PAG1: variants seen among roughly 807,000 people sequenced by gnomAD.
The protein encoded by PAG1 is phosphoprotein associated with glycosphingolipid-enriched microdomains 1.
Under a neutral mutation model 31.7 loss-of-function variants are expected in PAG1, and 23 were observed. That is an observed-to-expected ratio of 0.73 (90% CI 0.52 to 1.03). PAG1 has a LOEUF of 1.03. Ranked by LOEUF, PAG1 falls within the 50% of genes least tolerant of loss-of-function variation. PAG1 has a pLI of 0.00. For missense variants in PAG1, 473 were observed against 540.7 expected (o/e 0.87, Z 1.24); for synonymous variants, 214 against 210.3 (o/e 1.02, Z -0.15).
At chr8:80,998,386 C>T (rs1484794635) in intron 3 of PAG1, among the ~76,000 whole-genome samples, 2 of 152,048 alleles carry the variant, frequency 1.3e-5, no homozygotes, top group Non-Finnish European at 2.9e-5. Flanking sequence ...CCTCGGCCTC[C>T]CAAAGTGCTG....
At chr8:80,998,660 C>T (rs1233671683) in intron 3 of PAG1, among the ~76,000 whole-genome samples, 1 of 151,718 alleles carries the variant, frequency 6.6e-6, no homozygotes, top group Non-Finnish European at 1.5e-5. Context: ...TTTCTTTGGC[C>T]AAACATCCTT....
At position 80,976,566 on chromosome 8, in the gene PAG1, C is replaced by A. The variant is rs1218796857; in HGVS notation, c.1277G>T (p.Gly426Val). 1.9e-6 allele frequency: 3 copies of A among 1,612,940 alleles called. No homozygotes were observed. Among genetic ancestry groups the A allele is most frequent in the Non-Finnish European group, 2.5e-6 (3 of 1,179,618 alleles). Residue 426 changes from glycine to valine, a missense_variant, in exon 9 of 9, where the codon GGC (glycine) becomes GTC (valine). Physicochemically the swap from Gly to Val is moderately radical, Grantham distance 109. Transcript: ENST00000220597. The stretch of plus-strand genomic sequence containing the variant: ...TTGCTAGAGCCTGGTAATATCTCTG[C>A]CTTGCTGCAAGTCACTTATGCTCTC... Reference protein sequence around the residue: ...DYESISDLQQGRDITRL With the variant: ...DYESISDLQQVRDITRL
chr8:81,111,194 G>C (rs1809767754), intron 1 of PAG1, among the ~76,000 whole-genome samples: 1 of 152,186 alleles, frequency 6.6e-6, no homozygotes, highest in East Asian at 1.9e-4. Context: ...AGGCCTGAAA[G>C]AAATGGCTCG....
At chr8:81,003,022 T>C (rs949380175) in intron 3 of PAG1, among the ~76,000 whole-genome samples, 1 of 152,306 alleles carries the variant, frequency 6.6e-6, no homozygotes, top group Admixed American at 6.5e-5. Context: ...ATGGTTCTTG[T>C]AGAATGGAAC....
intron 1 of PAG1, among the ~76,000 whole-genome samples, chr8:81,097,902 T>A (rs1480098438): frequency 6.6e-6 from 1 of 152,150 alleles, no homozygotes; most frequent in Non-Finnish European, 1.5e-5. Flanking sequence ...TCTTGAATGT[T>A]CCTATAAATG....
chr8:80,986,223 C>A (rs1030952645), intron 6 of PAG1, among the ~76,000 whole-genome samples: 1 of 152,136 alleles, frequency 6.6e-6, no homozygotes, highest in Non-Finnish European at 1.5e-5. Flanking sequence ...ACAACGGATC[C>A]CCCAATCCTT....
intron 6 of PAG1, among the ~76,000 whole-genome samples, chr8:80,986,586 G>A (rs1398852438): frequency 1.3e-5 from 2 of 152,136 alleles, no homozygotes; most frequent in Admixed American, 6.5e-5. Context: ...ATGATATCAG[G>A]CAAATTAGCA....
chr8:81,041,456 A>G (rs1433989073), intron 2 of PAG1, among the ~76,000 whole-genome samples: 4 of 152,206 alleles, frequency 2.6e-5, no homozygotes, highest in Non-Finnish European at 5.9e-5. Flanking sequence ...GGAGGAACCA[A>G]CACCAGGGAA....
chr8:80,993,345 G>A (rs1026949394), intron 3 of PAG1, 38 bp from the exon 4 acceptor site: 171 of 1,061,280 alleles, frequency 1.6e-4, no homozygotes, highest in Non-Finnish European at 2.2e-5. Flanking sequence ...GTAATTCTCG[G>A]GTAAAGTGGC....
At chr8:81,032,023 G>T (rs1362835241) in intron 2 of PAG1, among the ~76,000 whole-genome samples, 1 of 152,124 alleles carries the variant, frequency 6.6e-6, no homozygotes, top group Non-Finnish European at 1.5e-5. Context: ...ATATATAAAA[G>T]AATAAAGTTG....
chr8:81,093,929 G>T (rs527575156), intron 1 of PAG1, among the ~76,000 whole-genome samples: 1 of 152,244 alleles, frequency 6.6e-6, no homozygotes, highest in South Asian at 2.1e-4. Context: ...CAGGCTTCAG[G>T]GGGAGGTATA....
intron 2 of PAG1, among the ~76,000 whole-genome samples, chr8:81,059,930 A>G (rs1808890732): frequency 6.6e-6 from 1 of 151,872 alleles, no homozygotes; most frequent in African/African-American, 2.4e-5. Flanking sequence ...AGGTAGGAAG[A>G]TTGCTTGAAC....
At chr8:81,014,910 G>C (rs928979214) in intron 3 of PAG1, among the ~76,000 whole-genome samples, 4 of 152,134 alleles carry the variant, frequency 2.6e-5, no homozygotes, top group Non-Finnish European at 4.4e-5. Flanking sequence ...GTGGTGGGTT[G>C]GGTAAAGCAG....
intron 2 of PAG1, among the ~76,000 whole-genome samples, chr8:81,047,398 TG>T (rs1336647396): frequency 1.3e-5 from 2 of 152,224 alleles, no homozygotes; most frequent in Non-Finnish European, 2.9e-5. Context: ...TGATGTGAGA[TG>T]GTATCTCATT....
intron 2 of PAG1, among the ~76,000 whole-genome samples, chr8:81,066,986 C>A (rs1204650102): frequency 1.3e-5 from 2 of 151,976 alleles, no homozygotes; most frequent in African/African-American, 2.4e-5. Context: ...TATGGTGAGA[C>A]CCCATCTCTA....
rs542184328 is a variant in PAG1 at position 80,997,876 on chromosome 8, C to A, written c.-80-4569G>T. Among the ~76,000 whole-genome samples the A allele has an allele frequency of 7.2e-5, 11 of 152,260 alleles. No homozygotes were observed. The South Asian group carries it at 2.3e-3, about 32-fold the overall frequency. On this transcript the variant is annotated intron_variant, in intron 3 of 8. Transcript: ENST00000220597. The stretch of plus-strand genomic sequence containing the variant: ...TATTGCTGTAAAAGACTCAGTGGTA[C>A]TACCTCAATCTCCACCCCAATTTTG...
chr8:81,065,103 C>A (rs927384547), intron 2 of PAG1, among the ~76,000 whole-genome samples: 1 of 152,208 alleles, frequency 6.6e-6, no homozygotes, highest in Non-Finnish European at 1.5e-5. Flanking sequence ...GGGAGGCGCT[C>A]AAGGCCCCAG....
chr8:81,041,960 TG>T (rs980294189), intron 2 of PAG1, among the ~76,000 whole-genome samples: 1 of 152,242 alleles, frequency 6.6e-6, no homozygotes, highest in African/African-American at 2.4e-5. Context: ...CTATTGTTGG[TG>T]GTCCCCCAAA....
chr8:81,085,927 C>G (rs1395918982), intron 1 of PAG1, among the ~76,000 whole-genome samples: 1 of 143,098 alleles, frequency 7.0e-6, no homozygotes, highest in Non-Finnish European at 1.5e-5. Flanking sequence ...TTTTCATACA[C>G]AATTCTAATT....
Sources: gnomAD v4.1 joint callset for allele counts (sites outside exome capture counted in the v4.1 genomes callset) on GRCh38, gnomAD v4.1.1 for gene constraint, MANE v1.5 for transcripts, NCBI Gene and HGNC (gene_info 2026-07-23, HGNC 2026-07-21) for gene names.